Variants in CCDC18 observed in about 807,000 individuals in gnomAD.
CCDC18 encodes the protein coiled-coil domain containing 18.
CCDC18 carries 157 observed loss-of-function variants against 196.0 expected under a neutral mutation model. That is an observed-to-expected ratio of 0.80 (90% confidence interval 0.70 to 0.91). CCDC18 has a LOEUF of 0.91. CCDC18 is among the 40% of genes least tolerant of loss of function. CCDC18 has a pLI of 0.00. For missense variants in CCDC18, 1,465 were observed against 1,611.6 expected (o/e 0.91, Z 1.56); for synonymous variants, 482 against 529.2 (o/e 0.91, Z 1.22).
intron 23 of CCDC18, among the ~76,000 whole-genome samples, chr1:93,247,230 C>A (rs1002185336): frequency 6.6e-6 from 1 of 151,586 alleles, no homozygotes; most frequent in South Asian, 2.1e-4. Context: ...CTCTGTGGAT[C>A]TTTCACTTCT....
At chr1:93,189,211 G>C (rs921021041) in intron 4 of CCDC18, among the ~76,000 whole-genome samples, 1 of 152,084 alleles carries the variant, frequency 6.6e-6, no homozygotes, top group African/African-American at 2.4e-5. Context: ...CCACAAATAA[G>C]TAAGAACATG....
intron 19 of CCDC18, among the ~76,000 whole-genome samples, chr1:93,236,883 T>C (rs1660140997): frequency 6.6e-6 from 1 of 152,166 alleles, no homozygotes; most frequent in East Asian, 1.9e-4. Context: ...CACTTTTAGA[T>C]TAAATAAAAC....
intron 4 of CCDC18, among the ~76,000 whole-genome samples, chr1:93,187,437 CTGTG>C (rs1390517765): frequency 1.3e-5 from 2 of 151,478 alleles, no homozygotes; most frequent in African/African-American, 4.8e-5. Context: ...GTGCATGTGT[CTGTG>C]TGTGTGTGTT....
intron 16 of CCDC18, 106 bp downstream of exon 16, chr1:93,222,042 T>C (rs1657520753): frequency 1.4e-6 from 1 of 695,554 alleles, no homozygotes; most frequent in African/African-American, 1.9e-5. Flanking sequence ...TGATGATAAC[T>C]CACTGCAACC....
chr1:93,259,597 G>GTGGGGGCTT, intron 26 of CCDC18, among the ~76,000 whole-genome samples: 1 of 152,154 alleles, frequency 6.6e-6, no homozygotes, highest in South Asian at 2.1e-4. Context: ...GTGAGTGATT[G>GTGGGGGCTT]GTAGGGCTTG....
At chr1:93,222,112 G>A (rs75538965) in intron 16 of CCDC18, among the ~76,000 whole-genome samples, 176 bp downstream of exon 16, 3,784 of 152,024 alleles carry the variant, frequency 0.025, 132 homozygotes, top group African/African-American at 0.081. Context: ...TAGGACAAGC[G>A]TGCTTCAACA....
chr1:93,267,207 C>T (rs1458239657), intron 27 of CCDC18, among the ~76,000 whole-genome samples: 2 of 152,162 alleles, frequency 1.3e-5, no homozygotes, highest in Non-Finnish European at 2.9e-5. Context: ...ATGATTATCT[C>T]AATAGATGCA....
At chr1:93,244,071 C>T (rs1210049323) in intron 21 of CCDC18, among the ~76,000 whole-genome samples, 1 of 152,136 alleles carries the variant, frequency 6.6e-6, no homozygotes, top group African/African-American at 2.4e-5. Flanking sequence ...TGAGACTGCA[C>T]AATTTACAAA....
At chr1:93,233,517 A>G (rs984115062) in intron 18 of CCDC18, among the ~76,000 whole-genome samples, 5 of 151,872 alleles carry the variant, frequency 3.3e-5, no homozygotes, top group Non-Finnish European at 5.9e-5. Context: ...TCTTTTATCT[A>G]CTTGTTCTGA....
intron 13 of CCDC18, among the ~76,000 whole-genome samples, chr1:93,217,392 G>A (rs772086655): frequency 3.3e-5 from 5 of 152,064 alleles, no homozygotes; most frequent in Non-Finnish European, 5.9e-5. Flanking sequence ...TTAAAGAATG[G>A]AGTATGACAT....
chr1:93,202,641 G>A (rs1654022904), intron 7 of CCDC18, among the ~76,000 whole-genome samples: 1 of 152,154 alleles, frequency 6.6e-6, no homozygotes, highest in Admixed American at 6.5e-5. Context: ...AAGGTAGAAA[G>A]GCAGAGGAAG....
At chr1:93,181,145 T>C (rs1294002902) in intron 1 of CCDC18, among the ~76,000 whole-genome samples, 1 of 117,556 alleles carries the variant, frequency 8.5e-6, no homozygotes, top group Non-Finnish European at 1.7e-5. Flanking sequence ...GGCGAGCCAC[T>C]GTCTCTATAA....
At chr1:93,241,312 C>G (rs936676527) in intron 21 of CCDC18, among the ~76,000 whole-genome samples, 5 of 152,074 alleles carry the variant, frequency 3.3e-5, no homozygotes, top group Non-Finnish European at 5.9e-5. Context: ...ATCCTTAGCA[C>G]AAAGCATCAT....
intron 6 of CCDC18, among the ~76,000 whole-genome samples, chr1:93,197,745 CTTTTTTTTTT>C (rs71094240): frequency 5.3e-5 from 4 of 76,018 alleles, no homozygotes; most frequent in African/African-American, 2.0e-4. Context: ...CTTTTCTTTT[CTTTTTTTTTT>C]TTTTTTTTTT....
At chr1:93,205,055 G>A (rs1654509447) in intron 7 of CCDC18, among the ~76,000 whole-genome samples, 1 of 152,090 alleles carries the variant, frequency 6.6e-6, no homozygotes, top group Non-Finnish European at 1.5e-5. Flanking sequence ...TTAGGTGGAT[G>A]TAACAGGGTA....
At position 93,212,229 on chromosome 1, in the gene CCDC18, CAG is replaced by C. The variant is rs1208028633; in HGVS notation, c.1465_1466del (p.Glu489ThrfsTer26). The C allele has an allele frequency of 3.7e-6, 6 of 1,603,774 alleles. No homozygotes were observed. In the African/African-American group the frequency reaches 6.7e-5, roughly 18 times the overall value. On this transcript the variant is annotated frameshift_variant, in exon 11 of 29. Transcript: ENST00000690025. LOFTEE classifies it high-confidence loss of function. ...AGTAGCAAATTAAGTAGTTTAGAAA[CAG>C]AACCTGTAAAGCTAGGTGGTCATCA...
chr1:93,242,543 TG>T (rs1660954758), intron 21 of CCDC18, among the ~76,000 whole-genome samples: 1 of 152,184 alleles, frequency 6.6e-6, no homozygotes, highest in South Asian at 2.1e-4. Context: ...CCAAATCTCA[TG>T]TCCTCACATT....
intron 6 of CCDC18, among the ~76,000 whole-genome samples, chr1:93,198,720 T>C (rs532340050): frequency 9.2e-5 from 14 of 152,192 alleles, no homozygotes; most frequent in Non-Finnish European, 1.6e-4. Flanking sequence ...TGGTCATGGC[T>C]CACAGTAGCT....
chr1:93,267,585 C>T (rs1323427671), intron 27 of CCDC18, among the ~76,000 whole-genome samples: 1 of 152,162 alleles, frequency 6.6e-6, no homozygotes, highest in African/African-American at 2.4e-5. Flanking sequence ...ATAACTTCAG[C>T]AAAGTCTCAG....
Sources: gnomAD v4.1 joint callset for allele counts (sites outside exome capture counted in the v4.1 genomes callset) on GRCh38, gnomAD v4.1.1 for gene constraint, MANE v1.5 for transcripts, NCBI Gene and HGNC (gene_info 2026-07-23, HGNC 2026-07-21) for gene names.